The following CASC3 variants were observed in gnomAD, a reference collection of about 807,000 sequenced individuals.
The protein encoded by CASC3 is protein CASC3.
CASC3 carries 30 observed loss-of-function variants against 80.5 expected under a neutral mutation model. The ratio of observed to expected loss-of-function variants is 0.37; its 90% CI spans 0.28 to 0.51. The LOEUF is 0.51. Among genes scored for constraint, CASC3 ranks in the 20% least tolerant of loss-of-function variants. CASC3 has a pLI of 0.94. For missense variants in CASC3, 824 were observed against 922.2 expected, an observed-to-expected ratio of 0.89 and a Z score of 1.38; for synonymous variants, 312 against 333.6, an observed-to-expected ratio of 0.94 and a Z score of 0.70.
intron 3 of CASC3, among the ~76,000 whole-genome samples, chr17:40,161,036 G>A (rs897932176): frequency 2.6e-5 from 4 of 151,970 alleles, no homozygotes; most frequent in African/African-American, 7.2e-5. Flanking sequence ...CTGAAGTGCA[G>A]TGGCGCAGTC....
chr17:40,168,096 TC>T, intron 10 of CASC3, 106 bp from the exon 11 acceptor site: 2 of 1,271,092 alleles, frequency 1.6e-6, no homozygotes, highest in Non-Finnish European at 2.3e-6. Context: ...CTTGTGTCCA[TC>T]CTGAGGACTT....
At position 40,167,537 on chromosome 17, in the gene CASC3, C is replaced by T; in HGVS notation, c.1576C>T (p.Arg526Trp). ...GGRAKRYSSQ[R>W]QRPVPEPPAP... Reference sequence around the variant, plus strand: ...TCGAGCCAAACGCTATTCATCCCAGCGGCAAAGACCTGTGCCAGAGCCCCC... The same window carrying T: ...TCGAGCCAAACGCTATTCATCCCAGTGGCAAAGACCTGTGCCAGAGCCCCC... Residue 526 changes from arginine to tryptophan, a missense_variant, in exon 9 of 14, where the codon CGG becomes TGG. By Grantham distance (101) the Arg-to-Trp change is moderately radical. Transcript: ENST00000264645. 2 of 1,614,068 alleles carry T rather than the reference C, an allele frequency of 1.2e-6. No individual in the cohort carries two copies. The highest frequency in any genetic ancestry group is 2.2e-5 in the East Asian group (1 of 44,876).
intron 7 of CASC3, among the ~76,000 whole-genome samples, chr17:40,164,749 C>CGTTTTTTTTTTTTT (rs1567683752): frequency 2.3e-5 from 2 of 87,852 alleles, no homozygotes; most frequent in African/African-American, 1.3e-4. Flanking sequence ...CCGTGCCTGG[C>CGTTTTTTTTTTTTT]CTTTTTTTTT....
At position 40,162,563 on chromosome 17, in the gene CASC3, C is replaced by T. The variant is rs116298056; in HGVS notation, c.609-162C>T. ...GCAGGCCCTGAGGTTCTGTGATTCACGCTTGCTTTGGGGAGGCCTGTTTTT... is the reference window on the plus strand; with the variant it reads ...GCAGGCCCTGAGGTTCTGTGATTCATGCTTGCTTTGGGGAGGCCTGTTTTT... On this transcript the variant is annotated intron_variant, in intron 5 of 13. Transcript: ENST00000264645. Among the ~76,000 whole-genome samples the T allele has an allele frequency of 1.5e-3, 235 of 152,220 alleles. 1 individual carries two copies. The highest frequency in any genetic ancestry group is 5.1e-3 in the African/African-American group (212 of 41,530).
Position 40,167,642 on chromosome 17 carries a change from T to C in CASC3, c.1651+30T>C, listed in dbSNP as rs765969138. ...GTTTTTTCTTACTGTTGGGGTACTT[T>C]TCTTGGCAGGGTGAAGTGAAGTAAG... On this transcript the variant is annotated intron_variant, in intron 9 of 13. Coordinates refer to ENST00000264645, the MANE Select transcript of CASC3 (RefSeq NM_007359.5). 3.2e-6 allele frequency: 5 copies of C among 1,554,850 alleles called. No homozygotes were observed. The South Asian group carries it at 3.3e-5, about 10-fold the overall frequency.
intron 3 of CASC3, among the ~76,000 whole-genome samples, chr17:40,157,367 AAATT>A (rs549448416): frequency 0.016 from 2,350 of 147,742 alleles, 54 homozygotes; most frequent in African/African-American, 0.052. Context: ...ATAAATAAAT[AAATT>A]AATTAATTAA....
In CASC3 at chr17:40,163,648, G is replaced by A. The variant is rs200515784; in HGVS notation, c.953G>A (p.Gly318Asp). The change falls in exon 7 of 14, where the codon GGC becomes GAC. Residue 318 changes from glycine to aspartate, a missense_variant. By Grantham distance (94) the Gly-to-Asp change is moderately conservative. This residue lies in a region of CASC3 where 464 missense variants were observed against 506.0 expected (regional missense o/e 0.92). Coordinates refer to ENST00000264645, the MANE Select transcript of CASC3 (RefSeq NM_007359.5). ...CCCAGGAATTATTCTCGATCTGGGG[G>A]CTTCAAGGAAGGTCGTGCTGGTTTT... ...SAPRNYSRSG[G>D]FKEGRAGFRP... 18 of 1,614,158 alleles carry A rather than the reference G, an allele frequency of 1.1e-5. No individual in the cohort carries two copies. The East Asian group carries it at 3.6e-4, about 32-fold the overall frequency.
chr17:40,141,493 C>T (rs1295371259), intron 2 of CASC3, 77 bp from the exon 3 acceptor site: 4 of 1,217,636 alleles, frequency 3.3e-6, no homozygotes, highest in East Asian at 2.3e-5. Context: ...AAATGAGACT[C>T]TTAGTCTGAC....
chr17:40,169,708 A>G (rs926227301), intron 13 of CASC3, 46 bp downstream of exon 13: 1 of 825,048 alleles, frequency 1.2e-6, no homozygotes, highest in Non-Finnish European at 1.8e-6. Flanking sequence ...TAATGCTCAC[A>G]CTTGCTTAAT....
rs751450184 is a variant in CASC3, at chr17:40,168,227, C to A, written c.1775C>A (p.Ala592Asp). ...HPGLHPHQTP[A>D]PLPNPGLYPP... ...GGTTTACATCCCCACCAGACACCAG[C>A]TCCTCTGCCCAATCCAGGCCTCTAT... is the stretch of plus-strand genomic sequence containing the variant. Residue 592 changes from alanine (A) to aspartate (D), a missense_variant, in exon 11 of 14, where the codon GCT (alanine) becomes GAT (aspartate). Transcript: ENST00000264645. 2 of 1,614,124 alleles carry A rather than the reference C, an allele frequency of 1.2e-6. No individual in the cohort carries two copies. The highest frequency in any genetic ancestry group is 1.7e-6 in the Non-Finnish European group (2 of 1,179,988).
intron 3 of CASC3, among the ~76,000 whole-genome samples, chr17:40,155,528 T>G (rs1450231938): frequency 6.6e-6 from 1 of 152,200 alleles, no homozygotes; most frequent in African/African-American, 2.4e-5. Context: ...ATGGCTGAAG[T>G]GCAGGTGAAG....
chr17:40,151,846 T>C (rs1368915926), intron 3 of CASC3, among the ~76,000 whole-genome samples: 1 of 152,232 alleles, frequency 6.6e-6, no homozygotes. Context: ...GATTTATGTG[T>C]CTGGCCTCTT....
At position 40,163,808 on chromosome 17, in the gene CASC3, T is replaced by G; in HGVS notation, c.1113T>G (p.Leu371=). 1 of 1,614,174 alleles carries G rather than the reference T, an allele frequency of 6.2e-7. No individual in the cohort carries two copies. The highest frequency in any genetic ancestry group is 8.5e-7 in the Non-Finnish European group (1 of 1,180,030). Residue 371 remains leucine, a synonymous_variant, in exon 7 of 14, where the codon CTT becomes CTG. Transcript: ENST00000264645. The stretch of plus-strand genomic sequence containing the variant: ...CTCCAGAAGCAGATGCTCCAGTGCT[T>G]GGCAGTCCTGAGAAGGAAGAGGCAG... ...DPSPEADAPV[L]GSPEKEEAAS...
Position 40,171,302 on chromosome 17 carries a change from G to A in CASC3, c.*897G>A. On this transcript the variant is annotated 3_prime_UTR_variant, in exon 14 of 14. Coordinates refer to ENST00000264645, the MANE Select transcript of CASC3 (RefSeq NM_007359.5). ...TGGAGTGAGAGCCTTTGCCTTTAGG[G>A]GTGTGTATTCACATAGTCCTCAGGG... 1 of 985,924 alleles carries A rather than the reference G, an allele frequency of 1.0e-6. No homozygotes were observed. The highest frequency in any genetic ancestry group is 1.7e-5 in the African/African-American group (1 of 57,310). The allele number at this position is 985,924 out of a possible 1,614,324, so 61.1% of individuals were successfully genotyped here. A position where few individuals can be genotyped will look rare whatever the true frequency, so the allele number is the denominator to read the frequency against.
Position 40,154,993 on chromosome 17 carries a change from C to T in CASC3, c.298-6760C>T, listed in dbSNP as rs145978097. ...CAAGCTCTGCCTCCCGGGTTCATGC[C>T]ATTCTCCTGCCTCAGCCTCCCGAGT... On this transcript the variant is annotated intron_variant, in intron 3 of 13. Transcript: ENST00000264645. 1.8e-3 allele frequency among the ~76,000 whole-genome samples: 268 copies of T among 150,702 alleles called. 4 individuals are homozygous for T. In the East Asian group the frequency reaches 0.031, roughly 17 times the overall value.
At position 40,140,555 on chromosome 17, in the gene CASC3, G is replaced by C; in HGVS notation, c.7G>C (p.Asp3His). The C allele has an allele frequency of 6.2e-7, 1 of 1,607,550 alleles. No homozygotes were observed. Among genetic ancestry groups the C allele is most frequent in the South Asian group, 1.1e-5 (1 of 91,070 alleles). ...GGTGGCCGTTCTCCGTAAGATGGCG[G>C]ACCGGCGGCGGCAGCGCGCTTCGCA... Reference protein sequence around the residue: MADRRRQRASQDT... With the variant: MAHRRRQRASQDT... The change falls in exon 1 of 14, where the codon GAC becomes CAC. Residue 3 changes from aspartate to histidine, a missense_variant. Transcript: ENST00000264645.
Position 40,149,756 on chromosome 17 carries a change from G to A in CASC3, c.297+8149G>A, listed in dbSNP as rs545590922. 1.8e-3 allele frequency among the ~76,000 whole-genome samples: 277 copies of A among 151,164 alleles called. 1 individual carries two copies. The highest frequency in any genetic ancestry group is 7.0e-3 in the Middle Eastern group (2 of 284). ...TGCGGTGGCTCACGCCTGTAATCCC[G>A]GCACTTTGGGAGGCCGAGGCGGGCA... On this transcript the variant is annotated intron_variant, in intron 3 of 13. Coordinates refer to ENST00000264645, the MANE Select transcript of CASC3 (RefSeq NM_007359.5).
In CASC3 at chr17:40,169,351, A is replaced by G. The variant is rs1598432664; in HGVS notation, c.1993A>G (p.Thr665Ala). 1 of 1,611,800 alleles carries G rather than the reference A, an allele frequency of 6.2e-7. No individual in the cohort carries two copies. The highest frequency in any genetic ancestry group is 8.5e-7 in the Non-Finnish European group (1 of 1,179,254). The change falls in exon 12 of 14, where the codon ACC becomes GCC. Residue 665 changes from threonine (T) to alanine (A), a missense_variant. By Grantham distance (58) the Thr-to-Ala change is moderately conservative. Coordinates refer to ENST00000264645, the MANE Select transcript of CASC3 (RefSeq NM_007359.5). Reference sequence around the variant, plus strand: ...CCCATCACAGGTATATGGAGGAGTGACCTACTATAACCCCGCCCAGCAGCA... The same window carrying G: ...CCCATCACAGGTATATGGAGGAGTGGCCTACTATAACCCCGCCCAGCAGCA... ...QAPSQVYGGV[T>A]YYNPAQQQVQ...
At chr17:40,166,726 T>C (rs1989457986) in intron 7 of CASC3, 71 bp from the exon 8 acceptor site, 2 of 1,017,248 alleles carry the variant, frequency 2.0e-6, no homozygotes, top group Non-Finnish European at 2.9e-6. Context: ...TAAACCTGTC[T>C]CTTGATAGTA....
Sources: gnomAD v4.1 joint callset for allele counts (sites outside exome capture counted in the v4.1 genomes callset) on GRCh38, gnomAD v4.1.1 for gene constraint, gnomAD v4.1.1 regional missense constraint, MANE v1.5 for transcripts, NCBI Gene and HGNC (gene_info 2026-07-23, HGNC 2026-07-21) for gene names.